The following DRD2 variants were observed in gnomAD, a reference collection of about 807,000 sequenced individuals.
DRD2 encodes the protein dopamine receptor D2, also known as D(2) dopamine receptor.
Under a neutral mutation model 38.0 loss-of-function variants are expected in DRD2, and 8 were observed. The ratio of observed to expected loss-of-function variants is 0.21; its 90% CI spans 0.12 to 0.38. The LOEUF is 0.38. DRD2 is among the 10% of genes least tolerant of loss of function. The pLI, the probability that DRD2 is intolerant of heterozygous loss-of-function variation, is 1.00. For synonymous variants in DRD2, 230 were observed against 238.6 expected, an observed-to-expected ratio of 0.96 and a Z score of 0.33; for missense variants, 403 against 607.7, an observed-to-expected ratio of 0.66 and a Z score of 3.54.
chr11:113,466,224 G>A (rs973936337), intron 1 of DRD2, among the ~76,000 whole-genome samples: 3 of 152,206 alleles, frequency 2.0e-5, no homozygotes, highest in Non-Finnish European at 4.4e-5. Flanking sequence ...GGAAAGATAG[G>A]TTCAAACTGT....
chr11:113,446,057 A>G (rs1382172704), intron 1 of DRD2, among the ~76,000 whole-genome samples: 3 of 152,006 alleles, frequency 2.0e-5, no homozygotes, highest in African/African-American at 7.3e-5. Context: ...CTGACCTGCA[A>G]TTGTCCCCTT....
At chr11:113,447,166 C>T (rs564359195) in intron 1 of DRD2, among the ~76,000 whole-genome samples, 2 of 152,182 alleles carry the variant, frequency 1.3e-5, no homozygotes, top group Non-Finnish European at 2.9e-5. Flanking sequence ...CCACCCTCCC[C>T]GGGGCCTGGG....
At chr11:113,419,043 G>A (rs532694912) in intron 2 of DRD2, among the ~76,000 whole-genome samples, 2 of 152,280 alleles carry the variant, frequency 1.3e-5, no homozygotes, top group East Asian at 1.9e-4. Context: ...TAGAATGCCC[G>A]TGAGGAAACT....
At chr11:113,423,856 A>G (rs950965918) in intron 2 of DRD2, among the ~76,000 whole-genome samples, 1 of 152,136 alleles carries the variant, frequency 6.6e-6, no homozygotes, top group Admixed American at 6.5e-5. Flanking sequence ...AAAGCAGCAG[A>G]CCCATTTCTG....
intron 1 of DRD2, among the ~76,000 whole-genome samples, chr11:113,462,906 C>T (rs372049661): frequency 4.3e-4 from 65 of 152,254 alleles, no homozygotes; most frequent in East Asian, 4.3e-3. Flanking sequence ...TCCCCCTTCT[C>T]CTGCCCCCTC....
intron 5 of DRD2, among the ~76,000 whole-genome samples, 169 bp from the exon 6 acceptor site, chr11:113,414,630 C>T (rs981482601): frequency 2.0e-5 from 3 of 152,114 alleles, no homozygotes; most frequent in Non-Finnish European, 2.9e-5. Context: ...TGGAATGAGA[C>T]AAAAAGTGGT....
chr11:113,424,570 T>G lies in DRD2; in HGVS notation c.82A>C (p.Lys28Gln), dbSNP rs1179668690. 1 of 1,614,194 alleles carries G rather than the reference T, an allele frequency of 6.2e-7. No individual in the cohort carries two copies. Among genetic ancestry groups the G allele is most frequent in the Admixed American group, 1.7e-5 (1 of 60,028 alleles). Residue 28 changes from lysine to glutamine, a missense_variant, in exon 2 of 8, where the codon AAG becomes CAG. Physicochemically the swap from Lys to Gln is moderately conservative, Grantham distance 53. Around this residue, in one of 4 missense-constraint regions of DRD2, gnomAD observed 162 missense variants for 254.5 expected, o/e 0.64. Coordinates refer to ENST00000362072, the MANE Select transcript of DRD2 (RefSeq NM_000795.4). ...TAGTTGTAGTGGGGTCTGTCCGCCT[T>G]CCCGTCTGACCCGTTGAAGGGCCGG... ...WSRPFNGSDG[K>Q]ADRPHYNYYA...
Position 113,439,293 on chromosome 11 carries a change from G to C in DRD2, c.-31-14611C>G, listed in dbSNP as rs373032212. Among the ~76,000 whole-genome samples, 34 of 152,280 alleles carry C rather than the reference G, an allele frequency of 2.2e-4. 1 individual carries two copies. In the South Asian group the frequency reaches 6.8e-3, roughly 31 times the overall value. On this transcript the variant is annotated intron_variant, in intron 1 of 7. Transcript: ENST00000362072. The stretch of plus-strand genomic sequence containing the variant: ...TAAGTGCTTCCTGGATGTTTGTTAT[G>C]CTGGAGGAAGCTGACAGTGACGGTG...
chr11:113,441,735 A>G (rs948730780), intron 1 of DRD2, among the ~76,000 whole-genome samples: 4 of 152,174 alleles, frequency 2.6e-5, no homozygotes, highest in Non-Finnish European at 5.9e-5. Context: ...CTGTGATCCC[A>G]GTACTTCAGG....
intron 7 of DRD2, chr11:113,411,615 A>C (rs1239866618): frequency 6.6e-6 from 1 of 152,438 alleles, no homozygotes; most frequent in African/African-American, 2.4e-5. Flanking sequence ...CAGGCACAGG[A>C]GGCATCCCTG....
At chr11:113,467,604 T>C (rs1284077181) in intron 1 of DRD2, among the ~76,000 whole-genome samples, 2 of 152,242 alleles carry the variant, frequency 1.3e-5, no homozygotes, top group African/African-American at 4.8e-5. Context: ...TCCTTGTTTT[T>C]TGTTTTTAAT....
rs568750110 is a variant in DRD2, at chr11:113,473,543, T to A, written c.-32+1533A>T. Among the ~76,000 whole-genome samples, 25 of 152,350 alleles carry A rather than the reference T, an allele frequency of 1.6e-4. No homozygotes were observed. In the East Asian group the frequency reaches 4.8e-3, roughly 29 times the overall value. ...TGCAGGGAAGGTAGAAGGAACTCAA[T>A]GATCTTTAAGAGCTGGGACTACCCT... On this transcript the variant is annotated intron_variant, in intron 1 of 7. Transcript: ENST00000362072.
At chr11:113,435,667 C>T (rs907217419) in intron 1 of DRD2, among the ~76,000 whole-genome samples, 1 of 149,874 alleles carries the variant, frequency 6.7e-6, no homozygotes, top group Non-Finnish European at 1.5e-5. Flanking sequence ...CTCAATTTGC[C>T]CCCACAAAGA....
At chr11:113,438,752 T>A (rs1214646961) in intron 1 of DRD2, among the ~76,000 whole-genome samples, 1 of 152,170 alleles carries the variant, frequency 6.6e-6, no homozygotes. Context: ...TCCTGGTAAA[T>A]CTAAGGATGC....
intron 2 of DRD2, among the ~76,000 whole-genome samples, chr11:113,423,474 C>T (rs1370633596): frequency 6.6e-6 from 1 of 152,124 alleles, no homozygotes; most frequent in African/African-American, 2.4e-5. Context: ...TGGGGTTTCA[C>T]CATGTTGGCC....
chr11:113,415,180 C>T, intron 5 of DRD2: 1 of 424,314 alleles, frequency 2.4e-6, no homozygotes, highest in Non-Finnish European at 4.1e-6. Flanking sequence ...CAAAGATCTC[C>T]AAGCAAAGAC....
intron 1 of DRD2, among the ~76,000 whole-genome samples, chr11:113,441,485 A>G (rs577544466): frequency 1.3e-5 from 2 of 152,308 alleles, no homozygotes; most frequent in East Asian, 3.9e-4. Flanking sequence ...AATATTTACA[A>G]TTGGACATTT....
intron 2 of DRD2, 68 bp from the exon 3 acceptor site, chr11:113,418,204 T>A: frequency 7.5e-7 from 1 of 1,342,014 alleles, no homozygotes. Context: ...TGTAGCCTGG[T>A]ACTCCTGGAG....
At chr11:113,420,241 A>G (rs1950872667) in intron 2 of DRD2, among the ~76,000 whole-genome samples, 1 of 151,998 alleles carries the variant, frequency 6.6e-6, no homozygotes, top group Admixed American at 6.6e-5. Flanking sequence ...TCCTACAAAC[A>G]CTTATTGAGC....
Sources: allele counts gnomAD v4.1 joint callset (sites outside exome capture counted in the v4.1 genomes callset), GRCh38; gene constraint gnomAD v4.1.1; regional missense constraint gnomAD v4.1.1; transcripts MANE v1.5; gene names NCBI Gene and HGNC (gene_info 2026-07-23, HGNC 2026-07-21).